Variants in CDH9 observed in about 807,000 individuals in gnomAD.
CDH9 encodes cadherin-9.
In CDH9, 28 loss-of-function variants were observed where a neutral mutation model predicts 70.9. The observed-to-expected ratio is 0.40, with a 90% confidence interval of 0.29 to 0.54. The LOEUF is 0.54. Among genes scored for constraint, CDH9 ranks in the 20% least tolerant of loss-of-function variants. The pLI is 0.59. For missense variants in CDH9, 874 were observed against 984.4 expected (o/e 0.89, Z 1.50); for synonymous variants, 409 against 343.1 (o/e 1.19, Z -2.12).
chr5:26,966,235 C>T (rs768955559), intron 2 of CDH9, among the ~76,000 whole-genome samples: 8 of 152,144 alleles, frequency 5.3e-5, no homozygotes, highest in Non-Finnish European at 1.0e-4. Context: ...AATTCCAGCC[C>T]TGAAGTTCCT....
chr5:26,985,720 C>T (rs543917651), intron 2 of CDH9, among the ~76,000 whole-genome samples: 43 of 152,130 alleles, frequency 2.8e-4, no homozygotes, highest in African/African-American at 8.7e-4. Flanking sequence ...GTGGTGAATA[C>T]GACAGGCCTT....
At chr5:26,952,920 A>AAAAG (rs1741878235) in intron 2 of CDH9, among the ~76,000 whole-genome samples, 3 of 119,804 alleles carry the variant, frequency 2.5e-5, no homozygotes, top group African/African-American at 1.1e-4. Flanking sequence ...AAAAAAAAAA[A>AAAAG]AAGTTTAAAG....
chr5:27,022,154 T>G (rs1386337775), intron 1 of CDH9, among the ~76,000 whole-genome samples: 1 of 152,054 alleles, frequency 6.6e-6, no homozygotes, highest in Non-Finnish European at 1.5e-5. Context: ...ACAGAGAATT[T>G]TTTTAATACA....
At chr5:26,903,236 A>T (rs991643457) in intron 6 of CDH9, 3 of 313,950 alleles carry the variant, frequency 9.6e-6, no homozygotes, top group Non-Finnish European at 1.8e-5. Flanking sequence ...TTGCATTGAA[A>T]ATCGAGGCAA....
In CDH9 at chr5:27,038,316, T is replaced by A. The variant is rs1743428455; in HGVS notation, c.-50+147A>T. On this transcript the variant is annotated intron_variant, in intron 1 of 11. Coordinates refer to ENST00000231021, the MANE Select transcript of CDH9 (RefSeq NM_016279.4). ...ACATTTTACTCAAATACTACTAAAA[T>A]GTATTCTTATGTGCTTCCAAGTGTT... The A allele has an allele frequency of 2.6e-5, 4 of 151,682 alleles. No individual in the cohort carries two copies. The South Asian group carries it at 8.3e-4, about 31-fold the overall frequency. The allele number at this position is 151,682 out of a possible 1,614,324, so 9.4% of individuals were successfully genotyped here. A position where few individuals can be genotyped will look rare whatever the true frequency, so the allele number is the denominator to read the frequency against.
chr5:26,954,388 C>CTTTCTTTTT (rs560729532), intron 2 of CDH9, among the ~76,000 whole-genome samples: 2 of 93,056 alleles, frequency 2.1e-5, no homozygotes, highest in Non-Finnish European at 3.8e-5. Context: ...TACAGCCTTT[C>CTTTCTTTTT]TTTTTTTTTT....
At chr5:26,999,236 TA>T (rs144411498) in intron 1 of CDH9, among the ~76,000 whole-genome samples, 35 of 150,484 alleles carry the variant, frequency 2.3e-4, no homozygotes, top group East Asian at 3.9e-4. Context: ...AGACTCCGTC[TA>T]AAAAAAAATA....
intron 1 of CDH9, among the ~76,000 whole-genome samples, chr5:26,995,494 G>A (rs11745345): frequency 0.47 from 71,224 of 151,902 alleles, 17,540 homozygotes; most frequent in African/African-American, 0.5. Context: ...CTTCAACTAT[G>A]TAGTCCTTTG....
chr5:26,901,406 T>G (rs906017735), intron 7 of CDH9, among the ~76,000 whole-genome samples: 1 of 151,882 alleles, frequency 6.6e-6, no homozygotes, highest in Non-Finnish European at 1.5e-5. Context: ...ATGTTCTTAA[T>G]CTCACCAACA....
chr5:26,943,254 G>C, intron 2 of CDH9, among the ~76,000 whole-genome samples: 1 of 152,118 alleles, frequency 6.6e-6, no homozygotes, highest in East Asian at 1.9e-4. Flanking sequence ...GCTTATGCCT[G>C]CAATCCCAGC....
At chr5:26,971,888 C>T (rs563881665) in intron 2 of CDH9, among the ~76,000 whole-genome samples, 1 of 152,212 alleles carries the variant, frequency 6.6e-6, no homozygotes, top group Admixed American at 6.5e-5. Flanking sequence ...TAAAAAGTGA[C>T]ATCAGATGAA....
chr5:26,979,077 A>G (rs1742353354), intron 2 of CDH9, among the ~76,000 whole-genome samples: 1 of 151,780 alleles, frequency 6.6e-6, no homozygotes, highest in Admixed American at 6.6e-5. Context: ...AGCACTGACT[A>G]GACATATTTA....
At chr5:26,922,435 T>C (rs1163237001) in intron 2 of CDH9, among the ~76,000 whole-genome samples, 1 of 151,970 alleles carries the variant, frequency 6.6e-6, no homozygotes, top group Non-Finnish European at 1.5e-5. Context: ...TGGCACAACA[T>C]ATTTAAAGTG....
intron 3 of CDH9, among the ~76,000 whole-genome samples, chr5:26,914,058 T>A (rs1741102393): frequency 6.6e-6 from 1 of 152,004 alleles, no homozygotes; most frequent in Non-Finnish European, 1.5e-5. Context: ...CTTTGTGTAT[T>A]CACATTTAAA....
At chr5:27,003,174 G>A (rs115417200) in intron 1 of CDH9, among the ~76,000 whole-genome samples, 2,525 of 152,096 alleles carry the variant, frequency 0.017, 77 homozygotes, top group African/African-American at 0.057. Flanking sequence ...CATCAGGTTG[G>A]CACTCAAACA....
chr5:27,006,776 T>C (rs1312955455), intron 1 of CDH9, among the ~76,000 whole-genome samples: 1 of 152,076 alleles, frequency 6.6e-6, no homozygotes, highest in African/African-American at 2.4e-5. Context: ...GAATAAAGTA[T>C]CATATCATGA....
chr5:27,029,061 G>A (rs1022574795), intron 1 of CDH9, among the ~76,000 whole-genome samples: 8 of 151,916 alleles, frequency 5.3e-5, no homozygotes, highest in Admixed American at 5.3e-4. Flanking sequence ...TATAGTAAAG[G>A]TTATATCTCA....
At chr5:27,022,948 T>A (rs1743164403) in intron 1 of CDH9, among the ~76,000 whole-genome samples, 2 of 152,152 alleles carry the variant, frequency 1.3e-5, no homozygotes, top group East Asian at 1.9e-4. Context: ...CTTTTTTTTT[T>A]ATTTTCCTTA....
At chr5:26,897,860 G>A (rs1740781027) in intron 7 of CDH9, among the ~76,000 whole-genome samples, 1 of 152,074 alleles carries the variant, frequency 6.6e-6, no homozygotes. Flanking sequence ...GGGTATTCAA[G>A]TAGGAAGAGA....
Sources: gnomAD v4.1 joint callset for allele counts (sites outside exome capture counted in the v4.1 genomes callset) on GRCh38, gnomAD v4.1.1 for gene constraint, MANE v1.5 for transcripts, NCBI Gene and HGNC (gene_info 2026-07-23, HGNC 2026-07-21) for gene names.